MAP3K5: variants seen among roughly 807,000 people sequenced by gnomAD.
MAP3K5 encodes the protein mitogen-activated protein kinase kinase kinase 5, also known as ASK-1.
Under a neutral mutation model 158.7 loss-of-function variants are expected in MAP3K5, and 56 were observed. The ratio of observed to expected loss-of-function variants is 0.35; its 90% CI spans 0.28 to 0.44. The LOEUF is 0.44. Among genes scored for constraint, MAP3K5 ranks in the 20% least tolerant of loss-of-function variants. The probability of loss-of-function intolerance (pLI) is 1.00; values close to 1 mark genes in which losing one functional copy is unlikely to be tolerated. For synonymous variants in MAP3K5, 579 were observed against 601.7 expected (o/e 0.96, Z 0.55); for missense variants, 1,294 against 1,674.8 (o/e 0.77, Z 3.97).
At chr6:136,783,669 A>C (rs192130298) in intron 1 of MAP3K5, among the ~76,000 whole-genome samples, 16 of 152,318 alleles carry the variant, frequency 1.1e-4, no homozygotes, top group Non-Finnish European at 2.4e-4. Context: ...CATGGGTGAC[A>C]GAAAGGGGAG....
intron 7 of MAP3K5, among the ~76,000 whole-genome samples, chr6:136,678,491 C>T (rs933580490): frequency 6.6e-6 from 1 of 151,860 alleles, no homozygotes; most frequent in Non-Finnish European, 1.5e-5. Context: ...TAAATCTATA[C>T]ATAAAGAAAT....
At chr6:136,656,582 C>T in intron 9 of MAP3K5, 122 bp from the exon 10 acceptor site, 1 of 621,672 alleles carries the variant, frequency 1.6e-6, no homozygotes, top group Non-Finnish European at 2.8e-6. Context: ...CATTCAGATT[C>T]ACCGTTATTC....
intron 1 of MAP3K5, among the ~76,000 whole-genome samples, chr6:136,726,137 T>C (rs887012549): frequency 6.6e-6 from 1 of 152,250 alleles, no homozygotes; most frequent in Non-Finnish European, 1.5e-5. Context: ...AAATTTGTTT[T>C]GGCTGTTTTA....
At chr6:136,623,938 A>C (rs1776920160) in intron 14 of MAP3K5, among the ~76,000 whole-genome samples, 1 of 152,184 alleles carries the variant, frequency 6.6e-6, no homozygotes, top group African/African-American at 2.4e-5. Context: ...CATGCCTGTT[A>C]ATTCTAGCAC....
At chr6:136,686,795 C>T (rs1039129031) in intron 7 of MAP3K5, among the ~76,000 whole-genome samples, 2 of 152,168 alleles carry the variant, frequency 1.3e-5, no homozygotes, top group African/African-American at 4.8e-5. Context: ...AATGGAAAAA[C>T]ATTCCATGCT....
intron 1 of MAP3K5, among the ~76,000 whole-genome samples, chr6:136,737,643 T>G (rs1782533313): frequency 6.6e-6 from 1 of 152,190 alleles, no homozygotes; most frequent in South Asian, 2.1e-4. Context: ...CACCATGGAA[T>G]TAAGAACTCC....
intron 1 of MAP3K5, among the ~76,000 whole-genome samples, chr6:136,773,099 G>A (rs1784274132): frequency 1.3e-5 from 2 of 152,166 alleles, no homozygotes; most frequent in Admixed American, 1.3e-4. Flanking sequence ...TTTACAAAGG[G>A]TCATGCTCCA....
At chr6:136,694,009 A>C (rs577786735) in intron 7 of MAP3K5, 131 bp downstream of exon 7, 234 of 666,724 alleles carry the variant, frequency 3.5e-4, no homozygotes, top group Admixed American at 5.0e-4. Context: ...AAAATAAAAT[A>C]AAATCTAAGG....
chr6:136,770,065 G>A (rs893797511), intron 1 of MAP3K5, among the ~76,000 whole-genome samples: 4 of 152,110 alleles, frequency 2.6e-5, no homozygotes, highest in Admixed American at 6.6e-5. Context: ...AATGGAAGGG[G>A]AGACCATGTT....
intron 24 of MAP3K5, among the ~76,000 whole-genome samples, chr6:136,581,428 C>T (rs182659210): frequency 6.6e-6 from 1 of 152,344 alleles, no homozygotes; most frequent in East Asian, 1.9e-4. Flanking sequence ...TACCTGCTGG[C>T]TTACACAGAC....
intron 1 of MAP3K5, among the ~76,000 whole-genome samples, chr6:136,739,085 G>C (rs917570080): frequency 4.6e-5 from 7 of 152,100 alleles, no homozygotes; most frequent in Non-Finnish European, 1.0e-4. Context: ...ACATGACACA[G>C]GGCATTTTGA....
intron 1 of MAP3K5, among the ~76,000 whole-genome samples, chr6:136,774,259 T>C (rs989273564): frequency 1.4e-4 from 22 of 152,052 alleles, no homozygotes; most frequent in African/African-American, 4.8e-4. Context: ...AGCACCAGCC[T>C]AGGCAACATG....
intron 6 of MAP3K5, among the ~76,000 whole-genome samples, chr6:136,695,548 A>G (rs1448994828): frequency 6.6e-6 from 1 of 152,258 alleles, no homozygotes; most frequent in South Asian, 2.1e-4. Context: ...GGTAATAACT[A>G]TCTAACACTA....
chr6:136,558,645 G>A (rs1199737993), intron 29 of MAP3K5, among the ~76,000 whole-genome samples, 155 bp downstream of exon 29: 1 of 152,114 alleles, frequency 6.6e-6, no homozygotes, highest in Admixed American at 6.5e-5. Context: ...AAATATCATT[G>A]TCCAACTAAC....
In MAP3K5 at chr6:136,748,457, G is replaced by A. The variant is rs1037160952; in HGVS notation, c.449-27868C>T. Among the ~76,000 whole-genome samples the A allele has an allele frequency of 3.9e-5, 6 of 152,124 alleles. No individual in the cohort carries two copies. In the East Asian group the frequency reaches 7.7e-4, roughly 20 times the overall value. On this transcript the variant is annotated intron_variant, in intron 1 of 29. Coordinates refer to ENST00000359015, the MANE Select transcript of MAP3K5 (RefSeq NM_005923.4). ...TAAATGGGTTAAAATCCCCCAAAAT[G>A]TCTATATATGTATGCTCACACAAAT...
chr6:136,578,066 G>A (rs1774697528), intron 25 of MAP3K5, among the ~76,000 whole-genome samples: 1 of 151,704 alleles, frequency 6.6e-6, no homozygotes, highest in Non-Finnish European at 1.5e-5. Context: ...TTAACTCATG[G>A]CCCATACCTC....
intron 13 of MAP3K5, among the ~76,000 whole-genome samples, chr6:136,638,619 GAATT>G (rs1361609358): frequency 6.6e-6 from 1 of 152,052 alleles, no homozygotes; most frequent in Non-Finnish European, 1.5e-5. Context: ...TGTAAGTAGA[GAATT>G]AGTCCATACA....
At chr6:136,766,307 CT>C (rs1453948534) in intron 1 of MAP3K5, among the ~76,000 whole-genome samples, 2 of 152,216 alleles carry the variant, frequency 1.3e-5, no homozygotes, top group Non-Finnish European at 2.9e-5. Context: ...AAAGAAATGC[CT>C]ACAAGGATGA....
intron 1 of MAP3K5, among the ~76,000 whole-genome samples, chr6:136,723,105 G>A (rs528086929): frequency 9.5e-5 from 12 of 126,242 alleles, no homozygotes; most frequent in African/African-American, 3.3e-4. Flanking sequence ...AGATTTACCC[G>A]TCCATTGAAA....
Sources: allele counts gnomAD v4.1 joint callset (sites outside exome capture counted in the v4.1 genomes callset), GRCh38; gene constraint gnomAD v4.1.1; transcripts MANE v1.5; gene names NCBI Gene and HGNC (gene_info 2026-07-23, HGNC 2026-07-21).